MLH3: variants seen among roughly 807,000 people sequenced by gnomAD.
The protein encoded by MLH3 is DNA mismatch repair protein Mlh3.
MLH3 carries 82 observed loss-of-function variants against 122.2 expected under a neutral mutation model. That is an observed-to-expected ratio of 0.67 (90% CI 0.56 to 0.81). MLH3 has a LOEUF of 0.81. Ranked by LOEUF, MLH3 falls within the 30% of genes least tolerant of loss-of-function variation. MLH3 has a pLI of 0.00. For synonymous variants in MLH3, 524 were observed against 599.5 expected, an observed-to-expected ratio of 0.87 and a Z score of 1.84; for missense variants, 1,539 against 1,714.5, an observed-to-expected ratio of 0.90 and a Z score of 1.81.
chr14:75,036,518 T>C, intron 6 of MLH3: 1 of 361,614 alleles, frequency 2.8e-6, no homozygotes, highest in Non-Finnish European at 5.5e-6. Flanking sequence ...CTAATTTTTG[T>C]ATTTTTAGTA....
chr14:75,042,261 T>C, intron 3 of MLH3, 118 bp downstream of exon 3: 2 of 856,556 alleles, frequency 2.3e-6, no homozygotes, highest in Non-Finnish European at 4.0e-6. Context: ...CCGTGGGGAA[T>C]TCCTGATTCC....
Position 75,049,713 on chromosome 14 carries a change from A to G in MLH3, c.-58T>C. 6.5e-7 allele frequency: 1 copy of G among 1,550,384 alleles called. No homozygotes were observed. On this transcript the variant is annotated 5_prime_UTR_variant, in exon 2 of 13. Coordinates refer to ENST00000355774, the MANE Select transcript of MLH3 (RefSeq NM_001040108.2). ...CTGGTTTCCTTCTCTGACTGGAAAT[A>G]ATTGCCTATTGGAGAAAAAAACCAC...
At chr14:75,038,305 G>T (rs3742780) in intron 6 of MLH3, 35 bp downstream of exon 6, 4 of 1,446,850 alleles carry the variant, frequency 2.8e-6, no homozygotes, top group East Asian at 2.3e-5. Flanking sequence ...AAGAAGACCA[G>T]CTGGTTAATC....
At chr14:75,038,268 C>G (rs1415552902) in intron 6 of MLH3, 72 bp downstream of exon 6, 2 of 1,043,592 alleles carry the variant, frequency 1.9e-6, no homozygotes, top group Admixed American at 1.7e-5. Flanking sequence ...TATTATATAC[C>G]AAAAATAATC....
At chr14:75,021,034 G>A (rs959739432) in intron 11 of MLH3, among the ~76,000 whole-genome samples, 3 of 152,034 alleles carry the variant, frequency 2.0e-5, no homozygotes, top group Non-Finnish European at 2.9e-5. Flanking sequence ...CCGCCACCAC[G>A]CCTGGCTAAT....
At position 75,023,121 on chromosome 14, in the gene MLH3, T is replaced by C. The variant is rs184522565; in HGVS notation, c.3988-103A>G. The C allele has an allele frequency of 5.3e-6, 7 of 1,328,296 alleles. No individual in the cohort carries two copies. In the East Asian group the frequency reaches 1.6e-4, roughly 30 times the overall value. The allele number at this position is 1,328,296 out of a possible 1,614,324, so 82.3% of individuals were successfully genotyped here. A position where few individuals can be genotyped will look rare whatever the true frequency, so the allele number is the denominator to read the frequency against. On this transcript the variant is annotated intron_variant, in intron 9 of 12. Coordinates refer to ENST00000355774, the MANE Select transcript of MLH3 (RefSeq NM_001040108.2). The stretch of plus-strand genomic sequence containing the variant: ...ATTTTCTTCTTTAAATCATGCCTCC[T>C]GAAAGAAAGAGTTCCAGCAATACAG...
chr14:75,048,462 T>C lies in MLH3; in HGVS notation c.1194A>G (p.Leu398=). The change falls in exon 2 of 13, where the codon TTA becomes TTG. Residue 398 remains leucine, a synonymous_variant. Transcript: ENST00000355774. ...SNFQEACNNI[L]DSYEMFNLQS... ...GCAAATTAAACATCTCATAGGAATCTAAAATATTATTACATGCTTCCTGGA... is the reference window on the plus strand; with the variant it reads ...GCAAATTAAACATCTCATAGGAATCCAAAATATTATTACATGCTTCCTGGA... 1 of 1,612,688 alleles carries C rather than the reference T, an allele frequency of 6.2e-7. No homozygotes were observed. The highest frequency in any genetic ancestry group is 8.5e-7 in the Non-Finnish European group (1 of 1,179,662).
chr14:75,043,543 G>C (rs988229938), intron 2 of MLH3, among the ~76,000 whole-genome samples: 5 of 152,196 alleles, frequency 3.3e-5, no homozygotes, highest in Non-Finnish European at 7.3e-5. Context: ...TCTCCATGAA[G>C]GATAATCAGA....
At position 75,017,072 on chromosome 14, in the gene MLH3, G is replaced by GATT; in HGVS notation, c.*7_*9dup. The GATT allele has an allele frequency of 6.2e-7, 1 of 1,613,510 alleles. No individual in the cohort carries two copies. Among genetic ancestry groups the GATT allele is most frequent in the Non-Finnish European group, 8.5e-7 (1 of 1,179,626 alleles). ...ATCCCTTTGTTCCTTTTAGACCAGT[G>GATT]ATTCTGTTCTCATGGTGGCTCACAG... On this transcript the variant is annotated 3_prime_UTR_variant, in exon 13 of 13. Coordinates refer to ENST00000355774, the MANE Select transcript of MLH3 (RefSeq NM_001040108.2).
chr14:75,014,172 T>G lies in MLH3; in HGVS notation c.*2910A>C, dbSNP rs1889783507. On this transcript the variant is annotated 3_prime_UTR_variant, in exon 13 of 13. Coordinates refer to ENST00000355774, the MANE Select transcript of MLH3 (RefSeq NM_001040108.2). ...ACTTGGCGTGGCTTCCTCAGCCCCCTCCACATCTCAAGAACGTGGCCTTGG... is the reference window on the plus strand; with the variant it reads ...ACTTGGCGTGGCTTCCTCAGCCCCCGCCACATCTCAAGAACGTGGCCTTGG... The G allele has an allele frequency of 5.8e-6, 1 of 172,806 alleles. No individual in the cohort carries two copies. The highest frequency in any genetic ancestry group is 6.4e-5 in the Admixed American group (1 of 15,744). The allele number at this position is 172,806 out of a possible 1,614,324, so 10.7% of individuals were successfully genotyped here. A position where few individuals can be genotyped will look rare whatever the true frequency, so the allele number is the denominator to read the frequency against.
chr14:75,034,191 TAAA>T (rs11296642), intron 6 of MLH3, among the ~76,000 whole-genome samples: 17 of 143,610 alleles, frequency 1.2e-4, no homozygotes, highest in Non-Finnish European at 1.4e-4. Context: ...GACTCCATCT[TAAA>T]AAAAAAAAAA....
chr14:75,018,387 A>G (rs1460448706), intron 12 of MLH3, among the ~76,000 whole-genome samples: 1 of 152,204 alleles, frequency 6.6e-6, no homozygotes, highest in Non-Finnish European at 1.5e-5. Context: ...CCATAACTCA[A>G]GATCCTTGGG....
At chr14:75,032,368 T>C (rs530025889) in intron 7 of MLH3, among the ~76,000 whole-genome samples, 189 bp from the exon 8 acceptor site, 27 of 152,362 alleles carry the variant, frequency 1.8e-4, no homozygotes, top group African/African-American at 6.0e-4. Flanking sequence ...ATTTTGGTAG[T>C]ATTTTTCAAA....
rs886050769 is a variant in MLH3, at chr14:75,015,092, A to T, written c.*1990T>A. The stretch of plus-strand genomic sequence containing the variant: ...AAAATTATTTTGTAAACCTTAAAGC[A>T]CAATATAGGTATTAATGATTACTAT... On this transcript the variant is annotated 3_prime_UTR_variant, in exon 13 of 13. Transcript: ENST00000355774. 4 of 175,256 alleles carry T rather than the reference A, an allele frequency of 2.3e-5. No individual in the cohort carries two copies. The East Asian group carries it at 3.9e-4, about 17-fold the overall frequency. 10.9% of individuals were successfully genotyped at this position (175,256 alleles called of 1,614,324 possible). A position where few individuals can be genotyped will look rare whatever the true frequency, so the allele number is the denominator to read the frequency against.
intron 7 of MLH3, among the ~76,000 whole-genome samples, chr14:75,033,192 C>T (rs1001556976): frequency 6.6e-6 from 1 of 152,086 alleles, no homozygotes; most frequent in African/African-American, 2.4e-5. Flanking sequence ...TTAATAACAT[C>T]TGGCAAATAT....
intron 5 of MLH3, among the ~76,000 whole-genome samples, chr14:75,039,644 G>A (rs373963403): frequency 1.3e-5 from 2 of 151,574 alleles, no homozygotes; most frequent in East Asian, 3.9e-4. Flanking sequence ...GAAACTGTCA[G>A]CCTGAATCCA....
chr14:75,033,628 C>G, intron 6 of MLH3, 138 bp from the exon 7 acceptor site: 2 of 697,428 alleles, frequency 2.9e-6, no homozygotes, highest in Non-Finnish European at 5.2e-6. Flanking sequence ...ACAATTGTAT[C>G]TTTTATTTCC....
chr14:75,030,739 G>C (rs2139389072), intron 8 of MLH3, 37 bp from the exon 9 acceptor site: 1 of 1,552,274 alleles, frequency 6.4e-7, no homozygotes, highest in Non-Finnish European at 8.9e-7. Context: ...AAAAAAAAGA[G>C]TGCTACTTCA....
chr14:75,044,077 G>A (rs149219), intron 2 of MLH3, among the ~76,000 whole-genome samples: 76,009 of 151,560 alleles, frequency 0.5, 19,592 homozygotes, highest in Middle Eastern at 0.57. Flanking sequence ...CAACAAGAGC[G>A]AAACTCCGTC....
Sources: gnomAD v4.1 joint callset for allele counts (sites outside exome capture counted in the v4.1 genomes callset) on GRCh38, gnomAD v4.1.1 for gene constraint, MANE v1.5 for transcripts, NCBI Gene and HGNC (gene_info 2026-07-23, HGNC 2026-07-21) for gene names.